Variants in GPC5 observed in about 807,000 individuals in gnomAD.
GPC5 encodes glypican 5, also known as glypican-5.
Under a neutral mutation model 53.9 loss-of-function variants are expected in GPC5, and 47 were observed. That is an observed-to-expected ratio of 0.87 (90% confidence interval 0.69 to 1.11). The LOEUF is 1.11. GPC5 is among the 50% of genes most tolerant of loss of function. The pLI, the probability that GPC5 is intolerant of heterozygous loss-of-function variation, is 0.00. For synonymous variants in GPC5, 286 were observed against 263.3 expected (o/e 1.09, Z -0.84); for missense variants, 748 against 713.1 (o/e 1.05, Z -0.56).
At position 92,529,848 on chromosome 13, in the gene GPC5, C is replaced by A. The variant is rs777596630; in HGVS notation, c.1562-336434C>A. On this transcript the variant is annotated intron_variant, in intron 7 of 7. Transcript: ENST00000377067. ...CTGTAATCACAGCAGTTTGGGAGGC[C>A]GAGGCGGGGGCATCACTTGAGCTCA... Among the ~76,000 whole-genome samples, 3 of 151,974 alleles carry A rather than the reference C, an allele frequency of 2.0e-5. No individual in the cohort carries two copies. The South Asian group carries it at 6.2e-4, about 32-fold the overall frequency.
chr13:92,490,065 A>G (rs370506273), intron 7 of GPC5: 3 of 153,806 alleles, frequency 2.0e-5, no homozygotes, highest in South Asian at 4.1e-4. Flanking sequence ...ATTTTAAAAA[A>G]TTTATCTATA....
intron 6 of GPC5, among the ~76,000 whole-genome samples, chr13:92,018,958 A>T (rs970047435): frequency 2.6e-5 from 4 of 152,100 alleles, no homozygotes; most frequent in South Asian, 2.1e-4. Context: ...CGGTTTCATT[A>T]GTATCTTCCT....
intron 7 of GPC5, among the ~76,000 whole-genome samples, chr13:92,455,715 T>G (rs1878239209): frequency 6.6e-6 from 1 of 152,236 alleles, no homozygotes; most frequent in Admixed American, 6.5e-5. Flanking sequence ...TATATGTTTT[T>G]GTTAAAATTA....
chr13:92,211,612 A>T (rs190974046), intron 7 of GPC5, among the ~76,000 whole-genome samples: 1 of 152,354 alleles, frequency 6.6e-6, no homozygotes, highest in Admixed American at 6.5e-5. Context: ...CTGGGGACAG[A>T]AATGTGAATT....
intron 6 of GPC5, among the ~76,000 whole-genome samples, chr13:91,935,629 A>G (rs551294200): frequency 2.6e-5 from 4 of 152,048 alleles, no homozygotes; most frequent in Non-Finnish European, 4.4e-5. Context: ...ACATTGTATC[A>G]GGAACAGCCT....
intron 1 of GPC5, among the ~76,000 whole-genome samples, chr13:91,410,346 T>C (rs1214809080): frequency 7.2e-6 from 1 of 139,724 alleles, no homozygotes; most frequent in East Asian, 2.0e-4. Flanking sequence ...ATTCTTTTTT[T>C]TTTTTTTTTT....
chr13:91,985,607 AT>A (rs2040399540), intron 6 of GPC5, among the ~76,000 whole-genome samples: 1 of 151,560 alleles, frequency 6.6e-6, no homozygotes, highest in Non-Finnish European at 1.5e-5. Context: ...ATGTTTATTC[AT>A]TTTGTAGTTA....
At chr13:91,713,385 T>C (rs1215090815) in intron 3 of GPC5, among the ~76,000 whole-genome samples, 1 of 151,316 alleles carries the variant, frequency 6.6e-6, no homozygotes. Flanking sequence ...ATGATGATAG[T>C]AACTGTATCT....
chr13:92,155,181 G>A lies in GPC5; in HGVS notation c.1561+10192G>A, dbSNP rs547499131. 5.9e-5 allele frequency among the ~76,000 whole-genome samples: 9 copies of A among 152,194 alleles called. No homozygotes were observed. The East Asian group carries it at 1.5e-3, about 26-fold the overall frequency. On this transcript the variant is annotated intron_variant, in intron 7 of 7. Transcript: ENST00000377067. ...AGTTCTTTTATGGTGATGAGACTTT[G>A]TGTCCTTTAGTCTTAAAAATTAATT...
chr13:92,287,626 G>A (rs1203507287), intron 7 of GPC5, among the ~76,000 whole-genome samples: 2 of 152,052 alleles, frequency 1.3e-5, no homozygotes, highest in Non-Finnish European at 2.9e-5. Flanking sequence ...AGAGTTCCTG[G>A]TAAGACACTG....
chr13:91,587,326 G>A (rs1337111123), intron 2 of GPC5, among the ~76,000 whole-genome samples: 2 of 152,098 alleles, frequency 1.3e-5, no homozygotes, highest in East Asian at 3.9e-4. Flanking sequence ...ATGTCTCTTT[G>A]CAAACAGTAG....
Position 92,778,988 on chromosome 13 carries a change from CATAT to C in GPC5, c.1562-87283_1562-87280del, listed in dbSNP as rs768621109. ...ATATACACACACACACACACACACA[CATAT>C]ATATATATATGCACACATATATACA... On this transcript the variant is annotated intron_variant, in intron 7 of 7. Transcript: ENST00000377067. Among the ~76,000 whole-genome samples the C allele has an allele frequency of 4.0e-5, 6 of 150,454 alleles. No individual in the cohort carries two copies. The South Asian group carries it at 6.3e-4, about 16-fold the overall frequency.
chr13:91,579,623 T>C (rs905660355), intron 2 of GPC5, among the ~76,000 whole-genome samples: 1 of 87,952 alleles, frequency 1.1e-5, no homozygotes, highest in Non-Finnish European at 2.0e-5. Flanking sequence ...TTTTTCTTTT[T>C]CTTTTTTTTT....
At chr13:91,418,343 G>A (rs535123952) in intron 1 of GPC5, among the ~76,000 whole-genome samples, 2 of 152,212 alleles carry the variant, frequency 1.3e-5, no homozygotes, top group South Asian at 2.1e-4. Context: ...ATGAATAAAC[G>A]TCTCTTGGAT....
At chr13:91,613,105 T>C (rs1413083211) in intron 2 of GPC5, among the ~76,000 whole-genome samples, 1 of 152,244 alleles carries the variant, frequency 6.6e-6, no homozygotes, top group Non-Finnish European at 1.5e-5. Context: ...CATAGGATTG[T>C]GTGGATTAAA....
intron 7 of GPC5, among the ~76,000 whole-genome samples, chr13:92,524,386 G>T (rs566624937): frequency 6.6e-6 from 1 of 152,090 alleles, no homozygotes; most frequent in African/African-American, 2.4e-5. Context: ...TTGTTATCCT[G>T]CATTGTATAG....
chr13:92,161,074 A>G (rs531379756), intron 7 of GPC5, among the ~76,000 whole-genome samples: 1 of 150,504 alleles, frequency 6.6e-6, no homozygotes, highest in East Asian at 1.9e-4. Flanking sequence ...TACTAACCAT[A>G]ATAGTTGTAA....
intron 7 of GPC5, among the ~76,000 whole-genome samples, chr13:92,865,597 T>C (rs1879311863): frequency 6.6e-6 from 1 of 152,068 alleles, no homozygotes; most frequent in Non-Finnish European, 1.5e-5. Context: ...ATGGTAACTA[T>C]CATTCATAAT....
At position 92,381,990 on chromosome 13, in the gene GPC5, C is replaced by G. The variant is rs1421779239; in HGVS notation, c.1561+237001C>G. On this transcript the variant is annotated intron_variant, in intron 7 of 7. Coordinates refer to ENST00000377067, the MANE Select transcript of GPC5 (RefSeq NM_004466.6). ...TCTATCTATCTATCTATCTATCTAT[C>G]TATCTATCTATCTATATATCTATCT... 8.6e-4 allele frequency among the ~76,000 whole-genome samples: 126 copies of G among 146,982 alleles called. 1 individual carries two copies. The highest frequency in any genetic ancestry group is 3.0e-3 in the African/African-American group (118 of 39,812).
Sources: gnomAD v4.1 joint callset for allele counts (sites outside exome capture counted in the v4.1 genomes callset) on GRCh38, gnomAD v4.1.1 for gene constraint, MANE v1.5 for transcripts, NCBI Gene and HGNC (gene_info 2026-07-23, HGNC 2026-07-21) for gene names.